Variants in WNK2 observed in about 807,000 individuals in gnomAD.
WNK2 encodes serine/threonine-protein kinase WNK2.
In WNK2, 67 loss-of-function variants were observed where a neutral mutation model predicts 192.1. That is an observed-to-expected ratio of 0.35 (90% CI 0.29 to 0.43). WNK2 has a LOEUF of 0.43. WNK2 is among the 20% of genes least tolerant of loss of function. The probability of loss-of-function intolerance (pLI) is 1.00; values close to 1 mark genes in which losing one functional copy is unlikely to be tolerated. For synonymous variants in WNK2, 1,439 were observed against 1,393.9 expected (o/e 1.03, Z -0.72); for missense variants, 2,698 against 3,089.7 (o/e 0.87, Z 3.01).
chr9:93,320,256 C>CT, intron 29 of WNK2, 111 bp from the exon 30 acceptor site: 2 of 1,229,660 alleles, frequency 1.6e-6, no homozygotes, highest in Admixed American at 2.0e-5. Context: ...CATGGCAGAG[C>CT]TGGCGCAGCC....
intron 3 of WNK2, among the ~76,000 whole-genome samples, chr9:93,230,446 G>A (rs1361691252): frequency 6.6e-6 from 1 of 152,218 alleles, no homozygotes; most frequent in African/African-American, 2.4e-5. Context: ...CACAGCTCAG[G>A]GCAGGCCACA....
In WNK2 at chr9:93,292,415, C is replaced by A. The variant is rs1299271800; in HGVS notation, c.5025+19C>A. On this transcript the variant is annotated intron_variant, in intron 22 of 29. Transcript: ENST00000427277. ...CCCCCAGGTAAGGGCGACTTGACGA[C>A]CCCCTGGCTGGTTGGCAGGGTTTGC... 9.3e-6 allele frequency: 15 copies of A among 1,613,712 alleles called. No individual in the cohort carries two copies. Among genetic ancestry groups the A allele is most frequent in the Non-Finnish European group, 1.2e-5 (14 of 1,179,800 alleles).
intron 23 of WNK2, among the ~76,000 whole-genome samples, chr9:93,293,543 C>T (rs1849723511): frequency 6.6e-6 from 1 of 152,168 alleles, no homozygotes; most frequent in South Asian, 2.1e-4. Context: ...TGGTCTCAAA[C>T]TCCTGACCTG....
In WNK2 at chr9:93,202,375, G is replaced by A. The variant is rs923625757; in HGVS notation, c.681+16765G>A. 1.2e-4 allele frequency among the ~76,000 whole-genome samples: 12 copies of A among 97,626 alleles called. 1 individual carries two copies. In the East Asian group the frequency reaches 2.3e-3, roughly 19 times the overall value. 64.0% of individuals were successfully genotyped at this position (97,626 alleles called of 152,430 possible). ...GTGTGTGTGTGTGTGTGTATGTCTCGTCTTTGGCTCGTTTGCCAGGGAATG... is the reference window on the plus strand; with the variant it reads ...GTGTGTGTGTGTGTGTGTATGTCTCATCTTTGGCTCGTTTGCCAGGGAATG... On this transcript the variant is annotated intron_variant, in intron 2 of 29. Coordinates refer to ENST00000427277, the MANE Select transcript of WNK2 (RefSeq NM_006648.4).
Position 93,263,592 on chromosome 9 carries a change from G to T in WNK2, c.3437G>T (p.Gly1146Val), listed in dbSNP as rs1299110127. The change falls in exon 15 of 30, where the codon GGA becomes GTA. Residue 1146 changes from glycine to valine, a missense_variant. Around this residue, in one of 7 missense-constraint regions of WNK2, gnomAD observed 893 missense variants for 909.0 expected, o/e 0.98. Transcript: ENST00000427277. ...TATGGAGGTTCTGATGTCACTTCTG[G>T]AAAAGAGCTGAGTGACAGCTGTGAA... is the stretch of plus-strand genomic sequence containing the variant. ...ESYGGSDVTSGKELSDSCEGA... is the reference protein window; with the variant it reads ...ESYGGSDVTSVKELSDSCEGA... 3 of 1,611,124 alleles carry T rather than the reference G, an allele frequency of 1.9e-6. No homozygotes were observed. Among genetic ancestry groups the T allele is most frequent in the South Asian group, 2.2e-5 (2 of 90,342 alleles).
rs1382022545 is a variant in WNK2, at chr9:93,184,214, C to T, written c.-174C>T. 6.6e-6 allele frequency among the ~76,000 whole-genome samples: 1 copy of T among 150,448 alleles called. No individual in the cohort carries two copies. Among genetic ancestry groups the T allele is most frequent in the Non-Finnish European group, 1.5e-5 (1 of 67,454 alleles). ...CGGCAGGAGCACGCGGGAGCGCGGC[C>T]CCGCAGTGGCCCGGCCCGAGAGAGC... On this transcript the variant is annotated 5_prime_UTR_variant, in exon 1 of 30. Coordinates refer to ENST00000427277, the MANE Select transcript of WNK2 (RefSeq NM_006648.4).
chr9:93,236,273 G>A (rs1036928185), intron 5 of WNK2, among the ~76,000 whole-genome samples: 3 of 152,144 alleles, frequency 2.0e-5, no homozygotes, highest in African/African-American at 7.2e-5. Context: ...CTGTCCCAGG[G>A]GCTGGTGGTG....
chr9:93,231,802 C>T (rs114558455), intron 4 of WNK2, among the ~76,000 whole-genome samples: 1,760 of 152,338 alleles, frequency 0.012, 25 homozygotes, highest in African/African-American at 0.039. Context: ...CCCCTAGGGG[C>T]AGCTGGCCCG....
At chr9:93,256,057 G>A (rs1282469671) in intron 9 of WNK2, among the ~76,000 whole-genome samples, 2 of 152,112 alleles carry the variant, frequency 1.3e-5, no homozygotes, top group Non-Finnish European at 2.9e-5. Context: ...TTGTGGTTGT[G>A]TAATGTTCTG....
chr9:93,225,043 C>T (rs1205355886), intron 2 of WNK2, among the ~76,000 whole-genome samples: 4 of 152,128 alleles, frequency 2.6e-5, no homozygotes, highest in Admixed American at 6.5e-5. Flanking sequence ...TCTGTGGGGG[C>T]AGCATACCCT....
intron 2 of WNK2, among the ~76,000 whole-genome samples, chr9:93,222,695 T>G (rs900092967): frequency 3.9e-5 from 6 of 152,178 alleles, no homozygotes; most frequent in African/African-American, 1.4e-4. Flanking sequence ...ATGTCCTTTT[T>G]TTTTGAGACA....
intron 8 of WNK2, among the ~76,000 whole-genome samples, chr9:93,248,927 GTTTAATTTA>G (rs1210429357): frequency 6.6e-6 from 1 of 152,198 alleles, no homozygotes; most frequent in African/African-American, 2.4e-5. Context: ...GAAATAGTCT[GTTTAATTTA>G]TTTAATATGC....
intron 19 of WNK2, among the ~76,000 whole-genome samples, chr9:93,274,381 G>A (rs1030512910): frequency 9.2e-5 from 14 of 151,956 alleles, no homozygotes; most frequent in African/African-American, 3.1e-4. Flanking sequence ...GCATGGTGGC[G>A]GGTGCCTGTA....
rs756768259 is a variant in WNK2, at chr9:93,317,567, G to A, written c.6564G>A (p.Ala2188=). The A allele has an allele frequency of 1.2e-5, 20 of 1,613,338 alleles. No homozygotes were observed. The highest frequency in any genetic ancestry group is 1.5e-5 in the Non-Finnish European group (18 of 1,179,876). The change falls in exon 29 of 30, where the codon GCG becomes GCA. Residue 2188 remains alanine, a synonymous_variant. Coordinates refer to ENST00000427277, the MANE Select transcript of WNK2 (RefSeq NM_006648.4). ...TGGGGATGCCACGTCTGCCCCCAGC[G>A]CCCGGCCCTCTGTCCACCACGGTCA... ...AGVGMPRLPP[A]PGPLSTTVIP... is the part of the protein sequence containing the mutation.
chr9:93,197,870 G>C (rs564512476), intron 2 of WNK2, among the ~76,000 whole-genome samples: 4 of 152,164 alleles, frequency 2.6e-5, no homozygotes, highest in Non-Finnish European at 5.9e-5. Flanking sequence ...TCCTGGCTCG[G>C]GTGCTGCATG....
intron 12 of WNK2, among the ~76,000 whole-genome samples, chr9:93,260,808 T>C (rs1844104117): frequency 6.6e-6 from 1 of 152,192 alleles, no homozygotes. Flanking sequence ...CAGCGGCAGC[T>C]CAGAGCCCGC....
At chr9:93,238,369 C>A in intron 6 of WNK2, 48 bp downstream of exon 6, 2 of 1,533,182 alleles carry the variant, frequency 1.3e-6, no homozygotes, top group Non-Finnish European at 1.8e-6. Flanking sequence ...TCCAGCTGAA[C>A]TCATTCCAGC....
At chr9:93,318,156 A>G (rs1855077808) in intron 29 of WNK2, 4 of 1,508,506 alleles carry the variant, frequency 2.7e-6, no homozygotes, top group Non-Finnish European at 3.5e-6. Context: ...ATGAAAAGAT[A>G]TGTTAAAAAA....
In WNK2 at chr9:93,229,307, T is replaced by A. The variant is rs114658320; in HGVS notation, c.682-389T>A. 5.4e-3 allele frequency among the ~76,000 whole-genome samples: 821 copies of A among 152,334 alleles called. 7 individuals are homozygous for A. The highest frequency in any genetic ancestry group is 0.019 in the African/African-American group (772 of 41,576). On this transcript the variant is annotated intron_variant, in intron 2 of 29. Transcript: ENST00000427277. The surrounding 1 kb of genome is among the most constrained non-coding windows in gnomAD (Gnocchi z 4.9). ...TCCACTGGGCCCTGAGTACTTCTTC[T>A]GAGTTGTGTATACGTTAGAAGTAAA...
Sources: allele counts gnomAD v4.1 joint callset (sites outside exome capture counted in the v4.1 genomes callset), GRCh38; gene constraint gnomAD v4.1.1; regional missense constraint gnomAD v4.1.1; non-coding constraint Gnocchi (gnomAD v3.1); transcripts MANE v1.5; gene names NCBI Gene and HGNC (gene_info 2026-07-23, HGNC 2026-07-21).